Variants in SHANK2 observed in about 807,000 individuals in gnomAD.
SHANK2 encodes SH3 and multiple ankyrin repeat domains protein 2.
A neutral mutation model predicts 133.7 loss-of-function variants in SHANK2; 43 were observed. The ratio of observed to expected loss-of-function variants is 0.32; its 90% CI spans 0.25 to 0.41. SHANK2 has a LOEUF of 0.41. Among genes scored for constraint, SHANK2 ranks in the 10% least tolerant of loss-of-function variants. SHANK2 has a pLI of 1.00. For synonymous variants in SHANK2, 1,017 were observed against 952.8 expected, an observed-to-expected ratio of 1.07 and a Z score of -1.24; for missense variants, 1,994 against 2,235.8, an observed-to-expected ratio of 0.89 and a Z score of 2.18.
chr11:70,505,428 A>T (rs1351674326), intron 17 of SHANK2, among the ~76,000 whole-genome samples: 1 of 151,848 alleles, frequency 6.6e-6, no homozygotes, highest in East Asian at 1.9e-4. Context: ...CGCGAGGCCA[A>T]TGTGTGAGGC....
intron 14 of SHANK2, among the ~76,000 whole-genome samples, chr11:70,755,039 C>T (rs1555038464): frequency 6.6e-6 from 1 of 151,812 alleles, no homozygotes; most frequent in African/African-American, 2.4e-5. Context: ...AAATGTCCCG[C>T]ACAATTCCTA....
In SHANK2 at chr11:70,481,477, A is replaced by C. The variant is rs997602888; in HGVS notation, c.4979+3837T>G. ...AAGGAAGAATCCAAGGATGAGAGGA[A>C]CTTTAAAAGGGTCAAGTTCAGCTGA... is the stretch of plus-strand genomic sequence containing the variant. On this transcript the variant is annotated intron_variant, in intron 25 of 25. Transcript: ENST00000601538. 2.0e-5 allele frequency among the ~76,000 whole-genome samples: 3 copies of C among 152,214 alleles called. No individual in the cohort carries two copies. The East Asian group carries it at 5.8e-4, about 29-fold the overall frequency.
intron 9 of SHANK2, among the ~76,000 whole-genome samples, chr11:71,073,136 C>CTTTTCTTTTTTTTTT (rs1951164763): frequency 1.8e-4 from 13 of 72,390 alleles, no homozygotes; most frequent in South Asian, 5.4e-4. Flanking sequence ...TGTTTTTTTT[C>CTTTTCTTTTTTTTTT]TTTTTCTTTT....
At chr11:70,547,768 A>C (rs10899152) in intron 17 of SHANK2, among the ~76,000 whole-genome samples, 119,738 of 152,206 alleles carry the variant, frequency 0.79, 47,609 homozygotes, top group Middle Eastern at 0.89. Flanking sequence ...TACTCTACGT[A>C]ATTGTCTTCC....
In SHANK2 at chr11:71,208,062, C is replaced by G. The variant is rs144194665; in HGVS notation, c.-13+16635G>C. Among the ~76,000 whole-genome samples, 258 of 152,236 alleles carry G rather than the reference C, an allele frequency of 1.7e-3. 3 individuals carry two copies. In the East Asian group the frequency reaches 0.041, roughly 24 times the overall value. ...TTAAGGGCCTTAAGACACCTAAAAC[C>G]CACACATGAAGAAAACCACAGCTGC... is the stretch of plus-strand genomic sequence containing the variant. On this transcript the variant is annotated intron_variant, in intron 2 of 25. Coordinates refer to ENST00000601538, the MANE Select transcript of SHANK2 (RefSeq NM_012309.5).
intron 10 of SHANK2, among the ~76,000 whole-genome samples, chr11:70,931,231 G>A (rs1950500251): frequency 6.6e-6 from 1 of 152,158 alleles, no homozygotes; most frequent in South Asian, 2.1e-4. Context: ...GTTAAGGGGA[G>A]GCTAGTGATA....
intron 14 of SHANK2, among the ~76,000 whole-genome samples, chr11:70,712,337 A>T (rs1555026354): frequency 6.6e-6 from 1 of 151,602 alleles, no homozygotes; most frequent in African/African-American, 2.4e-5. Flanking sequence ...TCCGACCTCC[A>T]CTCCACGTGA....
rs117889285 is a variant in SHANK2 at position 71,106,702 on chromosome 11, C to T, written c.592+3239G>A. Among the ~76,000 whole-genome samples the T allele has an allele frequency of 2.4e-4, 37 of 152,306 alleles. No homozygotes were observed. In the East Asian group the frequency reaches 7.1e-3, roughly 29 times the overall value. ...AGTATGGTGGCACGTGCCTGTAGTCCCAGCTATTCAAGAGGCTGAGGTGGG... is the reference window on the plus strand; with the variant it reads ...AGTATGGTGGCACGTGCCTGTAGTCTCAGCTATTCAAGAGGCTGAGGTGGG... On this transcript the variant is annotated intron_variant, in intron 6 of 25. Coordinates refer to ENST00000601538, the MANE Select transcript of SHANK2 (RefSeq NM_012309.5).
At chr11:70,576,430 C>T (rs1211212368) in intron 17 of SHANK2, among the ~76,000 whole-genome samples, 3 of 152,052 alleles carry the variant, frequency 2.0e-5, no homozygotes, top group Non-Finnish European at 2.9e-5. Flanking sequence ...GTCAGGAGAT[C>T]GAGACCATCC....
chr11:70,562,754 G>T (rs547528461), intron 17 of SHANK2, among the ~76,000 whole-genome samples: 2 of 152,154 alleles, frequency 1.3e-5, no homozygotes. Flanking sequence ...TTTAATATGT[G>T]ATTATTGATA....
At chr11:70,629,652 C>G (rs1296110023) in intron 17 of SHANK2, among the ~76,000 whole-genome samples, 1 of 152,130 alleles carries the variant, frequency 6.6e-6, no homozygotes, top group Admixed American at 6.5e-5. Context: ...GACATCAGCT[C>G]CAAGCCGGGG....
chr11:71,105,208 A>G (rs1223304721), intron 6 of SHANK2, among the ~76,000 whole-genome samples: 2 of 152,202 alleles, frequency 1.3e-5, no homozygotes, highest in Non-Finnish European at 2.9e-5. Flanking sequence ...ACGTGCTGCC[A>G]TGTGAAAGAA....
intron 17 of SHANK2, among the ~76,000 whole-genome samples, chr11:70,577,919 C>T (rs1280519348): frequency 1.3e-5 from 2 of 152,208 alleles, no homozygotes; most frequent in East Asian, 1.9e-4. Flanking sequence ...GACACTGACA[C>T]ACTGGTGGGG....
chr11:70,708,922 CAAG>C (rs1482414029), intron 14 of SHANK2, among the ~76,000 whole-genome samples: 1 of 152,178 alleles, frequency 6.6e-6, no homozygotes, highest in Non-Finnish European at 1.5e-5. Flanking sequence ...TTAAAATACA[CAAG>C]AAGGGCAGGG....
Position 71,093,060 on chromosome 11 carries a change from G to GA in SHANK2, c.745-472_745-471insT, listed in dbSNP as rs1436661520. Among the ~76,000 whole-genome samples, 2 of 141,446 alleles carry GA rather than the reference G, an allele frequency of 1.4e-5. 1 individual carries two copies. 92.8% of individuals were successfully genotyped at this position (141,446 alleles called of 152,430 possible). On this transcript the variant is annotated intron_variant, in intron 7 of 25. Coordinates refer to ENST00000601538, the MANE Select transcript of SHANK2 (RefSeq NM_012309.5). ...TCAGTCTCAAAAATAAAGGGGGGGG[G>GA]GGGCAGGTATAACTTTAGACAACTA... is the stretch of plus-strand genomic sequence containing the variant.
chr11:71,234,362 AAAATAAATAAAT>A lies in SHANK2; in HGVS notation c.-112-9578_-112-9567del, dbSNP rs60796828. ...GGGCAACAGAGCAAGACTCATCTCA[AAAATAAATAAAT>A]AAATAAATAAATAAATAAATAAATA... On this transcript the variant is annotated intron_variant, in intron 1 of 25. Transcript: ENST00000601538. 3.4e-3 allele frequency among the ~76,000 whole-genome samples: 478 copies of A among 141,092 alleles called. 2 individuals are homozygous for A. Among genetic ancestry groups the A allele is most frequent in the African/African-American group, 0.01 (379 of 36,430 alleles). The allele number at this position is 141,092 out of a possible 152,430, so 92.6% of individuals were successfully genotyped here.
chr11:71,166,543 T>A (rs902631818), intron 2 of SHANK2, among the ~76,000 whole-genome samples: 3 of 150,242 alleles, frequency 2.0e-5, no homozygotes, highest in Non-Finnish European at 4.4e-5. Context: ...TGCAGTGGCA[T>A]GATCTCGGCT....
chr11:71,056,637 G>T (rs1052877936), intron 9 of SHANK2, 79 bp from the exon 10 acceptor site: 1 of 152,254 alleles, frequency 6.6e-6, no homozygotes, highest in Middle Eastern at 3.2e-3. Flanking sequence ...AGAGTCTCAA[G>T]CTCACGGGAA....
intron 17 of SHANK2, among the ~76,000 whole-genome samples, chr11:70,623,180 A>T (rs868974914): frequency 0.019 from 2,852 of 146,808 alleles, 80 homozygotes; most frequent in African/African-American, 0.064. Context: ...CGTCTCAATC[A>T]AAAAAAAAAA....
Sources: gnomAD v4.1 joint callset for allele counts (sites outside exome capture counted in the v4.1 genomes callset) on GRCh38, gnomAD v4.1.1 for gene constraint, MANE v1.5 for transcripts, NCBI Gene and HGNC (gene_info 2026-07-23, HGNC 2026-07-21) for gene names.